The following SMYD3 variants were observed in gnomAD, a reference collection of about 807,000 sequenced individuals.
SMYD3 encodes the protein histone-lysine N-methyltransferase SMYD3.
A neutral mutation model predicts 57.7 loss-of-function variants in SMYD3; 36 were observed. The ratio of observed to expected loss-of-function variants is 0.62; its 90% CI spans 0.48 to 0.82. SMYD3 has a LOEUF of 0.82. Among genes scored for constraint, SMYD3 ranks in the 40% least tolerant of loss-of-function variants. The probability of loss-of-function intolerance (pLI) is 0.00; values close to 1 mark genes in which losing one functional copy is unlikely to be tolerated. For missense variants in SMYD3, 515 were observed against 538.8 expected (o/e 0.96, Z 0.44); for synonymous variants, 211 against 195.0 (o/e 1.08, Z -0.68).
intron 5 of SMYD3, among the ~76,000 whole-genome samples, chr1:246,135,605 T>C (rs1222114376): frequency 6.6e-6 from 1 of 152,048 alleles, no homozygotes; most frequent in Admixed American, 6.6e-5. Flanking sequence ...CCTTAAAGCT[T>C]CATAATTAAA....
At chr1:246,013,242 C>T (rs1364000657) in intron 5 of SMYD3, among the ~76,000 whole-genome samples, 2 of 152,132 alleles carry the variant, frequency 1.3e-5, no homozygotes, top group African/African-American at 2.4e-5. Flanking sequence ...TAAAGTACTG[C>T]GATCTTGGCT....
intron 5 of SMYD3, among the ~76,000 whole-genome samples, chr1:246,198,457 G>T (rs2062858630): frequency 1.3e-5 from 2 of 152,190 alleles, no homozygotes. Flanking sequence ...GCAGTAAAAT[G>T]AATTTGATAA....
chr1:245,761,755 C>T (rs2045851324), intron 11 of SMYD3, among the ~76,000 whole-genome samples: 1 of 150,492 alleles, frequency 6.6e-6, no homozygotes. Flanking sequence ...ATGTCTATCT[C>T]CTCCATTAAA....
At chr1:245,894,454 C>T (rs2053616372) in intron 8 of SMYD3, among the ~76,000 whole-genome samples, 2 of 152,012 alleles carry the variant, frequency 1.3e-5, no homozygotes, top group Admixed American at 1.3e-4. Context: ...TTTGTTTTTT[C>T]ACTCTTCACA....
At chr1:246,128,980 A>G (rs2061548628) in intron 5 of SMYD3, among the ~76,000 whole-genome samples, 3 of 151,364 alleles carry the variant, frequency 2.0e-5, no homozygotes, top group Admixed American at 2.0e-4. Context: ...ATTTTTTTGT[A>G]TTTTTCGGGG....
chr1:246,428,179 G>A (rs10802404), intron 1 of SMYD3, among the ~76,000 whole-genome samples: 151,103 of 152,282 alleles, frequency 0.99, 74,980 homozygotes, highest in East Asian at 1. Context: ...GTTCAATCCT[G>A]GAAAAAATTG....
chr1:246,499,497 C>T (rs1227501047), intron 1 of SMYD3, among the ~76,000 whole-genome samples: 1 of 151,906 alleles, frequency 6.6e-6, no homozygotes, highest in Non-Finnish European at 1.5e-5. Flanking sequence ...CACTGTGTCA[C>T]CCAGGCTGGA....
At chr1:246,378,780 T>A (rs1449490161) in intron 1 of SMYD3, among the ~76,000 whole-genome samples, 1 of 110,856 alleles carries the variant, frequency 9.0e-6, no homozygotes, top group Non-Finnish European at 1.7e-5. Flanking sequence ...TATAATTTAA[T>A]ATATTTAATA....
chr1:245,935,556 C>T (rs925919475), intron 5 of SMYD3, among the ~76,000 whole-genome samples: 1 of 152,154 alleles, frequency 6.6e-6, no homozygotes, highest in Non-Finnish European at 1.5e-5. Flanking sequence ...ACTCAACTAA[C>T]TAAAATAAGA....
At chr1:245,829,232 G>A (rs1016912305) in intron 10 of SMYD3, among the ~76,000 whole-genome samples, 4 of 151,658 alleles carry the variant, frequency 2.6e-5, no homozygotes, top group East Asian at 3.9e-4. Context: ...CTTAATTCTA[G>A]GGATTAAATA....
At chr1:246,457,068 C>CT (rs963636729) in intron 1 of SMYD3, among the ~76,000 whole-genome samples, 2 of 152,108 alleles carry the variant, frequency 1.3e-5, no homozygotes, top group African/African-American at 2.4e-5. Flanking sequence ...CTTGAGTAGA[C>CT]TTTTTTTCCT....
intron 5 of SMYD3, among the ~76,000 whole-genome samples, chr1:246,231,025 T>G (rs1370837190): frequency 2.0e-5 from 3 of 152,186 alleles, no homozygotes; most frequent in Admixed American, 1.3e-4. Context: ...CCTGAATACT[T>G]CCATATGAGT....
At chr1:246,025,753 G>A (rs532289392) in intron 5 of SMYD3, 2 of 152,272 alleles carry the variant, frequency 1.3e-5, no homozygotes, top group East Asian at 3.9e-4. Context: ...GCTCAATAGA[G>A]GTATAGATTC....
intron 5 of SMYD3, among the ~76,000 whole-genome samples, chr1:246,157,211 T>C (rs2062035792): frequency 6.6e-6 from 1 of 152,106 alleles, no homozygotes; most frequent in South Asian, 2.1e-4. Context: ...CCTCTGTTTG[T>C]AGCTTGTGTT....
chr1:246,339,882 G>A (rs926507314), intron 2 of SMYD3, among the ~76,000 whole-genome samples: 2 of 152,194 alleles, frequency 1.3e-5, no homozygotes, highest in African/African-American at 4.8e-5. Context: ...CTAGGATGCA[G>A]CAAGAAGGCC....
At chr1:246,246,096 T>G (rs538166476) in intron 5 of SMYD3, among the ~76,000 whole-genome samples, 8 of 152,348 alleles carry the variant, frequency 5.3e-5, no homozygotes, top group Admixed American at 3.9e-4. Flanking sequence ...TATTTTGTTG[T>G]TCTAATAAAC....
At chr1:245,944,176 A>G (rs1470281859) in intron 5 of SMYD3, among the ~76,000 whole-genome samples, 11 of 152,184 alleles carry the variant, frequency 7.2e-5, no homozygotes, top group Middle Eastern at 3.2e-3. Context: ...AGGGTACTCA[A>G]ATAGGAAGAG....
chr1:245,797,699 TAAAGA>T lies in SMYD3; in HGVS notation c.1077-33555_1077-33551del, dbSNP rs541165178. Among the ~76,000 whole-genome samples the T allele has an allele frequency of 5.4e-3, 816 of 151,258 alleles. 2 individuals carry two copies. The highest frequency in any genetic ancestry group is 0.01 in the Non-Finnish European group (695 of 67,828). ...TTATATATAGATAGATAGATAGATA[TAAAGA>T]AAAGAAAAGAAAAGAAAAAGAAACG... is the stretch of plus-strand genomic sequence containing the variant. On this transcript the variant is annotated intron_variant, in intron 10 of 11. Coordinates refer to ENST00000490107, the MANE Select transcript of SMYD3 (RefSeq NM_001167740.2).
chr1:245,920,426 TG>T (rs2055836035), intron 7 of SMYD3, among the ~76,000 whole-genome samples: 1 of 151,970 alleles, frequency 6.6e-6, no homozygotes, highest in Non-Finnish European at 1.5e-5. Flanking sequence ...GGCTCTGAAC[TG>T]GAAAAAAGCC....
Sources: gnomAD v4.1 joint callset for allele counts (sites outside exome capture counted in the v4.1 genomes callset) on GRCh38, gnomAD v4.1.1 for gene constraint, MANE v1.5 for transcripts, NCBI Gene and HGNC (gene_info 2026-07-23, HGNC 2026-07-21) for gene names.